Variants in CRYBG1 observed in about 807,000 individuals in gnomAD.
CRYBG1 encodes the protein crystallin beta-gamma domain containing 1.
CRYBG1 carries 139 observed loss-of-function variants against 189.2 expected under a neutral mutation model. The observed-to-expected ratio is 0.73, with a 90% CI of 0.64 to 0.85. The LOEUF is 0.85. CRYBG1 is among the 40% of genes least tolerant of loss of function. The pLI, the probability that CRYBG1 is intolerant of heterozygous loss-of-function variation, is 0.00. For synonymous variants in CRYBG1, 1,023 were observed against 1,017.1 expected (o/e 1.01, Z -0.11); for missense variants, 2,611 against 2,675.8 (o/e 0.98, Z 0.53).
At chr6:106,434,616 G>A (rs1771421885) in intron 1 of CRYBG1, among the ~76,000 whole-genome samples, 2 of 152,212 alleles carry the variant, frequency 1.3e-5, no homozygotes, top group African/African-American at 2.4e-5. Context: ...GGTCTAGGTA[G>A]TAAGTATTTT....
intron 1 of CRYBG1, among the ~76,000 whole-genome samples, chr6:106,395,516 C>G (rs1285987494): frequency 6.6e-6 from 1 of 151,656 alleles, no homozygotes; most frequent in East Asian, 1.9e-4. Flanking sequence ...AATGCTATAT[C>G]TTCTAGATAT....
At chr6:106,495,329 A>G (rs918183993) in intron 2 of CRYBG1, among the ~76,000 whole-genome samples, 14 of 152,126 alleles carry the variant, frequency 9.2e-5, no homozygotes, top group African/African-American at 3.1e-4. Flanking sequence ...AAGAAGATTG[A>G]TATGGTAATG....
intron 1 of CRYBG1, among the ~76,000 whole-genome samples, chr6:106,393,398 T>G (rs1461277268): frequency 1.7e-5 from 2 of 119,494 alleles, no homozygotes; most frequent in Non-Finnish European, 3.4e-5. Flanking sequence ...AACGCTAACA[T>G]AGTGGTGAGC....
chr6:106,533,611 C>G (rs758156165), intron 8 of CRYBG1, among the ~76,000 whole-genome samples: 61 of 152,082 alleles, frequency 4.0e-4, no homozygotes, highest in Admixed American at 9.2e-4. Flanking sequence ...ATGGTCAGAT[C>G]TTGGATGCAT....
chr6:106,373,546 G>T (rs770558253), intron 1 of CRYBG1, among the ~76,000 whole-genome samples: 1 of 152,094 alleles, frequency 6.6e-6, no homozygotes, highest in Non-Finnish European at 1.5e-5. Flanking sequence ...AATAATCTTT[G>T]TCTTTAGTAC....
chr6:106,361,731 C>T (rs1323383200), intron 1 of CRYBG1, among the ~76,000 whole-genome samples: 1 of 152,056 alleles, frequency 6.6e-6, no homozygotes, highest in Admixed American at 6.5e-5. Flanking sequence ...TGGTTTTATT[C>T]TATATGTATA....
intron 1 of CRYBG1, among the ~76,000 whole-genome samples, chr6:106,432,515 C>CA (rs1178631312): frequency 9.3e-6 from 1 of 107,578 alleles, no homozygotes; most frequent in East Asian, 6.4e-4. Flanking sequence ...TACCTACCCC[C>CA]CAGGGAGTTA....
At chr6:106,496,452 A>G (rs1772853135) in intron 2 of CRYBG1, among the ~76,000 whole-genome samples, 1 of 152,212 alleles carries the variant, frequency 6.6e-6, no homozygotes, top group Non-Finnish European at 1.5e-5. Flanking sequence ...ATCTTCCCCT[A>G]GAAATCGTAA....
chr6:106,406,179 C>T (rs1488274643), intron 1 of CRYBG1, among the ~76,000 whole-genome samples: 1 of 152,046 alleles, frequency 6.6e-6, no homozygotes, highest in Admixed American at 6.5e-5. Flanking sequence ...AAGAGAAGAA[C>T]ATAAATAACC....
intron 1 of CRYBG1, among the ~76,000 whole-genome samples, chr6:106,397,383 A>T (rs540745742): frequency 6.6e-6 from 1 of 152,324 alleles, no homozygotes; most frequent in East Asian, 1.9e-4. Flanking sequence ...ATCCTGCATA[A>T]CTGAAACCAT....
Position 106,511,726 on chromosome 6 carries a change from C to T in CRYBG1, c.609C>T (p.Pro203=). The part of the protein sequence containing the change: ...AEGELPESGG[P]AAPPDAELSP... ...GCGAGCTCCCCGAGAGCGGTGGCCC[C>T]GCAGCCCCCCCTGACGCCGAGCTGT... The change falls in exon 3 of 22, where the codon CCC becomes CCT. Residue 203 remains proline (P), a synonymous_variant. Transcript: ENST00000633556. The T allele has an allele frequency of 6.5e-7, 1 of 1,535,360 alleles. No individual in the cohort carries two copies. Among genetic ancestry groups the T allele is most frequent in the Non-Finnish European group, 8.7e-7 (1 of 1,146,598 alleles).
chr6:106,464,263 G>A (rs1158556404), intron 2 of CRYBG1, among the ~76,000 whole-genome samples: 2 of 152,202 alleles, frequency 1.3e-5, no homozygotes, highest in African/African-American at 4.8e-5. Context: ...GGGAGGCCAA[G>A]GCGGGCGGAT....
At chr6:106,420,446 A>G (rs1394835354) in intron 1 of CRYBG1, among the ~76,000 whole-genome samples, 1 of 152,238 alleles carries the variant, frequency 6.6e-6, no homozygotes, top group African/African-American at 2.4e-5. Flanking sequence ...CATAAGATAA[A>G]CATGTGAAAA....
In CRYBG1 at chr6:106,486,501, G is replaced by A. The variant is rs141018869; in HGVS notation, c.313-24929G>A. ...CATAGTTTGTTGATTTTTCTGTCTAGATGGTCTGTCCGTTGTTGAAAGTGT... is the reference window on the plus strand; with the variant it reads ...CATAGTTTGTTGATTTTTCTGTCTAAATGGTCTGTCCGTTGTTGAAAGTGT... On this transcript the variant is annotated intron_variant, in intron 2 of 21. Coordinates refer to ENST00000633556, the MANE Select transcript of CRYBG1 (RefSeq NM_001371242.2). Among the ~76,000 whole-genome samples, 242 of 152,260 alleles carry A rather than the reference G, an allele frequency of 1.6e-3. 1 individual carries two copies. Among genetic ancestry groups the A allele is most frequent in the African/African-American group, 5.5e-3 (230 of 41,548 alleles).
intron 10 of CRYBG1, 36 bp downstream of exon 10, chr6:106,541,657 T>C (rs770204136): frequency 5.0e-6 from 7 of 1,410,856 alleles, no homozygotes; most frequent in African/African-American, 4.3e-5. Flanking sequence ...TGTATGTATA[T>C]GTAATTATTT....
At chr6:106,458,379 C>A (rs1771932963) in intron 2 of CRYBG1, among the ~76,000 whole-genome samples, 1 of 152,126 alleles carries the variant, frequency 6.6e-6, no homozygotes, top group Non-Finnish European at 1.5e-5. Flanking sequence ...TAAGATCCTG[C>A]TCAAACAGCT....
chr6:106,562,766 C>A (rs1774762097), intron 20 of CRYBG1, among the ~76,000 whole-genome samples: 1 of 152,090 alleles, frequency 6.6e-6, no homozygotes, highest in African/African-American at 2.4e-5. Flanking sequence ...GGATTACAGG[C>A]ATAAGCCACT....
intron 2 of CRYBG1, among the ~76,000 whole-genome samples, chr6:106,476,607 A>AT (rs1256876824): frequency 6.6e-6 from 1 of 152,066 alleles, no homozygotes; most frequent in Non-Finnish European, 1.5e-5. Context: ...TTTAATGCTG[A>AT]TTTTGTATCA....
intron 1 of CRYBG1, among the ~76,000 whole-genome samples, chr6:106,422,068 C>T (rs542078573): frequency 8.2e-4 from 125 of 152,264 alleles, no homozygotes; most frequent in Non-Finnish European, 7.1e-4. Context: ...GACACAGAGC[C>T]AAACCATATA....
Sources: gnomAD v4.1 joint callset for allele counts (sites outside exome capture counted in the v4.1 genomes callset) on GRCh38, gnomAD v4.1.1 for gene constraint, MANE v1.5 for transcripts, NCBI Gene and HGNC (gene_info 2026-07-23, HGNC 2026-07-21) for gene names.